The following ABCB9 variants were observed in gnomAD, a reference collection of about 807,000 sequenced individuals.
The protein encoded by ABCB9 is ATP binding cassette subfamily B member 9, also known as ABC-type oligopeptide transporter ABCB9.
In ABCB9, 36 loss-of-function variants were observed where a neutral mutation model predicts 62.0. The ratio of observed to expected loss-of-function variants is 0.58; its 90% CI spans 0.45 to 0.77. The LOEUF is 0.77. ABCB9 is among the 30% of genes least tolerant of loss of function. The probability of loss-of-function intolerance (pLI) is 0.00; values close to 1 mark genes in which losing one functional copy is unlikely to be tolerated. For missense variants in ABCB9, 943 were observed against 1,054.7 expected, an observed-to-expected ratio of 0.89 and a Z score of 1.47; for synonymous variants, 435 against 461.4, an observed-to-expected ratio of 0.94 and a Z score of 0.73.
rs1390550462 is a variant in ABCB9 at position 122,935,266 on chromosome 12, C to T, written c.1903+6G>A. ...CCCAGGAGAGGGGCCACCCCCAGCT[C>T]CACACCTGTGCTGTAGCCGTCCTGG... On this transcript the variant is annotated splice_donor_region_variant and intron_variant, in intron 10 of 11. Coordinates refer to ENST00000280560, the MANE Select transcript of ABCB9 (RefSeq NM_019625.4). The T allele has an allele frequency of 4.4e-6, 7 of 1,602,484 alleles. No homozygotes were observed. The highest frequency in any genetic ancestry group is 6.0e-6 in the Non-Finnish European group (7 of 1,173,802).
In ABCB9 at chr12:122,944,347, ACTC is replaced by A; in HGVS notation, c.1380+41_1380+43del. Reference sequence around the variant, plus strand: ...CCCTGTTAAGATCCCTCTTCCCCAAACTCCTCCCTTCTCTCTGGATCCCCGGAC... The same window carrying A: ...CCCTGTTAAGATCCCTCTTCCCCAAACTCCCTTCTCTCTGGATCCCCGGAC... On this transcript the variant is annotated intron_variant, in intron 7 of 11. Transcript: ENST00000280560. The surrounding 1 kb of genome is among the most constrained non-coding windows in gnomAD (Gnocchi z 4.9). 1 of 1,574,194 alleles carries A rather than the reference ACTC, an allele frequency of 6.4e-7. No homozygotes were observed.
rs768309979 is a variant in ABCB9 at position 122,940,103 on chromosome 12, GCACATAC to G, written c.1743+1_1743+7del. The G allele has an allele frequency of 3.1e-6, 5 of 1,607,746 alleles. No individual in the cohort carries two copies. In the South Asian group the frequency reaches 3.3e-5, roughly 11 times the overall value. ...GCGGAGAAGTGTGGCCCAGGCCCGT[GCACATAC>G]CACACGGTGCAAGTACTTGTGGTCG... On this transcript the variant is annotated splice_donor_variant and splice_donor_5th_base_variant and intron_variant, in intron 9 of 11. Coordinates refer to ENST00000280560, the MANE Select transcript of ABCB9 (RefSeq NM_019625.4). LOFTEE classifies it high-confidence loss of function. The surrounding 1 kb of genome is among the most constrained non-coding windows in gnomAD (Gnocchi z 4.8).
chr12:122,940,915 C>T lies in ABCB9; in HGVS notation c.1461G>A (p.Pro487=), dbSNP rs1014580688. The T allele has an allele frequency of 7.4e-6, 12 of 1,612,110 alleles. No individual in the cohort carries two copies. The highest frequency in any genetic ancestry group is 4.0e-5 in the African/African-American group (3 of 74,994). ...EKVFEFIDRQ[P]TMVHDGSLAP... is the part of the protein sequence containing the mutation. ...CCAAGCTGCCATCGTGCACCATGGT[C>T]GGCTGCCGGTCGATGAACTCGAACA... The change falls in exon 8 of 12, where the codon CCG becomes CCA. Residue 487 remains proline, a synonymous_variant. Coordinates refer to ENST00000280560, the MANE Select transcript of ABCB9 (RefSeq NM_019625.4). The surrounding 1 kb of genome is among the most constrained non-coding windows in gnomAD (Gnocchi z 4.8).
upstream of ABCB9, among the ~76,000 whole-genome samples, chr12:122,970,829 G>A (rs1234543424): frequency 6.6e-6 from 1 of 152,214 alleles, no homozygotes; most frequent in Non-Finnish European, 1.5e-5. Flanking sequence ...ATATTATTCA[G>A]TGCTAAAATG....
Position 122,929,634 on chromosome 12 carries a change from C to G in ABCB9, c.*277G>C. On this transcript the variant is annotated 3_prime_UTR_variant, in exon 12 of 12. Transcript: ENST00000280560. The surrounding 1 kb of genome is among the most constrained non-coding windows in gnomAD (Gnocchi z 6.0). ...TGCCTCAAACCAAACAGTAAAAACC[C>G]TGGTAAGACCTAGGTTTAAAAAGGC... 8.2e-7 allele frequency: 1 copy of G among 1,219,164 alleles called. No homozygotes were observed. 75.5% of individuals were successfully genotyped at this position (1,219,164 alleles called of 1,614,324 possible).
In ABCB9 at chr12:122,940,372, T is replaced by A. The variant is rs2035693585; in HGVS notation, c.1570-88A>T. 2 of 1,457,176 alleles carry A rather than the reference T, an allele frequency of 1.4e-6. No homozygotes were observed. Among genetic ancestry groups the A allele is most frequent in the Non-Finnish European group, 1.8e-6 (2 of 1,089,572 alleles). The allele number at this position is 1,457,176 out of a possible 1,614,324, so 90.3% of individuals were successfully genotyped here. A position where few individuals can be genotyped will look rare whatever the true frequency, so the allele number is the denominator to read the frequency against. ...GACCTTGGACACAGGTGGGTGCCCT[T>A]CCCAGCCCACCCCATGTGCCTCTCC... On this transcript the variant is annotated intron_variant, in intron 8 of 11. Transcript: ENST00000280560. The surrounding 1 kb of genome is among the most constrained non-coding windows in gnomAD (Gnocchi z 4.8).
In ABCB9 at chr12:122,944,676, A is replaced by T; in HGVS notation, c.1252-157T>A. On this transcript the variant is annotated intron_variant, in intron 6 of 11. Transcript: ENST00000280560. This position sits in a 1 kb window ranked among gnomAD's most constrained non-coding sequence, Gnocchi z 4.9. ...GCAGGGGTGTCTTCCAAGGCTTGTC[A>T]CTCATGCCTTCCCCTGCCCCGAGCA... is the stretch of plus-strand genomic sequence containing the variant. 2 of 1,008,098 alleles carry T rather than the reference A, an allele frequency of 2.0e-6. No individual in the cohort carries two copies. Among genetic ancestry groups the T allele is most frequent in the Non-Finnish European group, 1.4e-6 (1 of 708,292 alleles). The allele number at this position is 1,008,098 out of a possible 1,614,324, so 62.4% of individuals were successfully genotyped here. A position where few individuals can be genotyped will look rare whatever the true frequency, so the allele number is the denominator to read the frequency against.
chr12:122,955,399 G>A (rs949866051), intron 2 of ABCB9, among the ~76,000 whole-genome samples: 1 of 152,226 alleles, frequency 6.6e-6, no homozygotes, highest in Non-Finnish European at 1.5e-5. Context: ...ATGGCATGGG[G>A]CACCATCTGT....
chr12:122,926,724 CAA>C (rs59865125), downstream of ABCB9, among the ~76,000 whole-genome samples: 10 of 106,100 alleles, frequency 9.4e-5, no homozygotes, highest in Admixed American at 3.0e-4. Flanking sequence ...CCTGTCTCTA[CAA>C]AAAAAAAAAA....
At chr12:122,922,236 C>G (rs566268364) in intron 11 of ABCB9, among the ~76,000 whole-genome samples, 1 of 152,238 alleles carries the variant, frequency 6.6e-6, no homozygotes, top group Non-Finnish European at 1.5e-5. Flanking sequence ...CTCTCCTACC[C>G]CTGAAGAAAA....
chr12:122,934,650 A>AC (rs1422572959), intron 10 of ABCB9, among the ~76,000 whole-genome samples: 3 of 151,710 alleles, frequency 2.0e-5, no homozygotes, highest in Admixed American at 2.0e-4. Flanking sequence ...CAAAAAAAAA[A>AC]AAAAAACTAA....
intron 1 of ABCB9, among the ~76,000 whole-genome samples, chr12:122,962,442 A>G (rs2036953540): frequency 6.6e-6 from 1 of 152,032 alleles, no homozygotes; most frequent in African/African-American, 2.4e-5. Context: ...CCTGAGAGAG[A>G]TCCTCTCCCC....
intron 3 of ABCB9, among the ~76,000 whole-genome samples, chr12:122,950,138 C>A (rs2036282944): frequency 6.6e-6 from 1 of 152,208 alleles, no homozygotes; most frequent in Admixed American, 6.5e-5. Flanking sequence ...GCCAGCCAGA[C>A]CCTCTTCCTT....
upstream of ABCB9, among the ~76,000 whole-genome samples, chr12:122,968,636 C>CTT (rs541028634): frequency 1.9e-4 from 17 of 88,846 alleles, no homozygotes; most frequent in African/African-American, 3.5e-4. Context: ...TCCTCTGTAC[C>CTT]TTTTTTTTTT....
downstream of ABCB9, among the ~76,000 whole-genome samples, chr12:122,920,330 G>A (rs1034650587): frequency 6.7e-6 from 1 of 149,278 alleles, no homozygotes; most frequent in Non-Finnish European, 1.5e-5. Flanking sequence ...CTCCTGAGGT[G>A]CAACAAGCAG....
chr12:122,961,251 G>A (rs1438072344), intron 1 of ABCB9, among the ~76,000 whole-genome samples: 1 of 151,864 alleles, frequency 6.6e-6, no homozygotes, highest in African/African-American at 2.4e-5. Context: ...ACAGTGGTGC[G>A]ATCCCGGCTC....
rs1220651397 is a variant in ABCB9, at chr12:122,944,433, G to A, written c.1338C>T (p.Ile446=). ...ISGQMTSGNL[I]AFIIYEFVLG... The stretch of plus-strand genomic sequence containing the variant: ...GGACAAACTCGTAGATGATGAAGGC[G>A]ATGAGGTTGCCGCTGGTCATCTGGC... The change falls in exon 7 of 12, where the codon ATC becomes ATT. Residue 446 remains isoleucine (I), a synonymous_variant. Transcript: ENST00000280560. The surrounding 1 kb of genome is among the most constrained non-coding windows in gnomAD (Gnocchi z 4.9). The A allele has an allele frequency of 9.9e-6, 16 of 1,613,812 alleles. No individual in the cohort carries two copies. The highest frequency in any genetic ancestry group is 1.3e-5 in the Non-Finnish European group (15 of 1,179,922).
At chr12:122,949,262 G>A (rs2135855979) in intron 4 of ABCB9, 1 of 176,104 alleles carries the variant, frequency 5.7e-6, no homozygotes, top group East Asian at 1.6e-4. Flanking sequence ...TAAGAGCTGT[G>A]TAAGGACCCC....
chr12:122,965,767 C>A (rs1327296847), intron 1 of ABCB9, among the ~76,000 whole-genome samples: 4 of 151,874 alleles, frequency 2.6e-5, no homozygotes, highest in Non-Finnish European at 5.9e-5. Flanking sequence ...ATAAAAGAGG[C>A]TCCCCTGGGA....
Sources: gnomAD v4.1 joint callset for allele counts (sites outside exome capture counted in the v4.1 genomes callset) on GRCh38, gnomAD v4.1.1 for gene constraint, Gnocchi (gnomAD v3.1) non-coding constraint, MANE v1.5 for transcripts, NCBI Gene and HGNC (gene_info 2026-07-23, HGNC 2026-07-21) for gene names.